Variants in GRM5 observed in about 807,000 individuals in gnomAD.
GRM5 encodes the protein metabotropic glutamate receptor 5.
Under a neutral mutation model 83.1 loss-of-function variants are expected in GRM5, and 19 were observed. The observed-to-expected ratio is 0.23, with a 90% CI of 0.16 to 0.34. The LOEUF is 0.34. Among genes scored for constraint, GRM5 ranks in the 10% least tolerant of loss-of-function variants. The pLI is 1.00. For synonymous variants in GRM5, 675 were observed against 633.6 expected, an observed-to-expected ratio of 1.07 and a Z score of -0.98; for missense variants, 1,160 against 1,588.3, an observed-to-expected ratio of 0.73 and a Z score of 4.58.
intron 2 of GRM5, among the ~76,000 whole-genome samples, chr11:88,949,381 T>G (rs553087523): frequency 3.3e-5 from 5 of 152,264 alleles, no homozygotes; most frequent in Non-Finnish European, 1.5e-5. Flanking sequence ...GTAATTCTTA[T>G]GAAGGCAATA....
At chr11:88,757,300 T>C (rs1942414883) in intron 3 of GRM5, among the ~76,000 whole-genome samples, 1 of 152,206 alleles carries the variant, frequency 6.6e-6, no homozygotes, top group South Asian at 2.1e-4. Context: ...GGTAGATTTT[T>C]GCATTCCCTG....
intron 3 of GRM5, among the ~76,000 whole-genome samples, chr11:88,675,992 C>T (rs1940319358): frequency 1.3e-5 from 2 of 151,986 alleles, no homozygotes; most frequent in Non-Finnish European, 2.9e-5. Context: ...ATGCTGGGAA[C>T]TGCAGCTCTG....
rs191724308 is a variant in GRM5, at chr11:88,861,395, G to A, written c.662-11240C>T. Among the ~76,000 whole-genome samples the A allele has an allele frequency of 6.0e-3, 915 of 152,104 alleles. 6 individuals are homozygous for A. Among genetic ancestry groups the A allele is most frequent in the African/African-American group, 0.021 (879 of 41,478 alleles). ...TATTCCTGGAATACCCTTCTATTTA[G>A]CTAATTCCTACCCATCCTTCAAGAG... On this transcript the variant is annotated intron_variant, in intron 2 of 9. Coordinates refer to ENST00000305447, the MANE Select transcript of GRM5 (RefSeq NM_001143831.3).
chr11:88,690,139 A>AACTC (rs1380507023), intron 3 of GRM5, among the ~76,000 whole-genome samples: 86 of 152,318 alleles, frequency 5.6e-4, no homozygotes, highest in African/African-American at 1.9e-3. Flanking sequence ...AATTTTTTTA[A>AACTC]ACTCAGATAC....
chr11:88,630,412 A>G (rs1938929429), intron 4 of GRM5, among the ~76,000 whole-genome samples: 4 of 152,096 alleles, frequency 2.6e-5, no homozygotes, highest in Admixed American at 2.6e-4. Context: ...ATCTTTTAGT[A>G]TATCTTTTAT....
Position 88,947,329 on chromosome 11 carries a change from G to A in GRM5, c.662-97174C>T, listed in dbSNP as rs188780617. The stretch of plus-strand genomic sequence containing the variant: ...TGAAATATTTGCTGAGTTAACTCTG[G>A]TTACTTTAAACAACATTTCCAAAAA... On this transcript the variant is annotated intron_variant, in intron 2 of 9. Transcript: ENST00000305447. 1.6e-4 allele frequency among the ~76,000 whole-genome samples: 24 copies of A among 151,948 alleles called. No individual in the cohort carries two copies. The East Asian group carries it at 4.1e-3, about 26-fold the overall frequency.
At position 88,567,910 on chromosome 11, in the gene GRM5, G is replaced by C; in HGVS notation, c.1773C>G (p.Leu591=). 1 of 1,613,598 alleles carries C rather than the reference G, an allele frequency of 6.2e-7. No homozygotes were observed. The highest frequency in any genetic ancestry group is 8.5e-7 in the Non-Finnish European group (1 of 1,179,502). The change falls in exon 8 of 10, where the codon CTC becomes CTG. Residue 591 remains leucine (L), a synonymous_variant. Transcript: ENST00000305447. This position sits in a 1 kb window ranked among gnomAD's most constrained non-coding sequence, Gnocchi z 7.3. The part of the protein sequence containing the change: ...IAAVVFACLG[L]LATLFVTVVF... Reference sequence around the variant, plus strand: ...CTACAGTAACAAACAGGGTGGCCAGGAGGCCAAGGCAGGCAAACACCACAG... The same window carrying C: ...CTACAGTAACAAACAGGGTGGCCAGCAGGCCAAGGCAGGCAAACACCACAG...
At chr11:88,800,388 G>A (rs1238119738) in intron 3 of GRM5, among the ~76,000 whole-genome samples, 1 of 150,620 alleles carries the variant, frequency 6.6e-6, no homozygotes, top group East Asian at 2.0e-4. Context: ...GCAGAGTTAT[G>A]TAGTTCTTTC....
chr11:88,570,571 A>ATATATATTT (rs1405339448), intron 7 of GRM5, among the ~76,000 whole-genome samples: 2 of 46,376 alleles, frequency 4.3e-5, no homozygotes, highest in African/African-American at 2.7e-4. Flanking sequence ...ATATATATAT[A>ATATATATTT]TTTTTTTTTT....
At chr11:88,792,764 T>G (rs953832470) in intron 3 of GRM5, among the ~76,000 whole-genome samples, 4 of 152,104 alleles carry the variant, frequency 2.6e-5, no homozygotes, top group East Asian at 1.9e-4. Context: ...CTTTTTAAAT[T>G]GTCTTTTCTT....
At chr11:88,727,154 G>A (rs1941704189) in intron 3 of GRM5, among the ~76,000 whole-genome samples, 1 of 152,158 alleles carries the variant, frequency 6.6e-6, no homozygotes, top group Non-Finnish European at 1.5e-5. Flanking sequence ...CATCTCATGT[G>A]CAAAGACGCA....
intron 3 of GRM5, among the ~76,000 whole-genome samples, chr11:88,760,597 C>A (rs554217577): frequency 3.0e-4 from 45 of 152,102 alleles, no homozygotes; most frequent in South Asian, 2.1e-3. Context: ...ATTCTCAGTG[C>A]CATATGGATT....
At chr11:88,994,831 T>A (rs1330619474) in intron 2 of GRM5, among the ~76,000 whole-genome samples, 1 of 152,092 alleles carries the variant, frequency 6.6e-6, no homozygotes, top group Non-Finnish European at 1.5e-5. Context: ...AGAGCTTCCC[T>A]GTTACTGTAC....
intron 3 of GRM5, among the ~76,000 whole-genome samples, chr11:88,834,562 T>C (rs867081807): frequency 1.4e-4 from 22 of 151,788 alleles, no homozygotes; most frequent in African/African-American, 4.1e-4. Flanking sequence ...TCCCTGCCTT[T>C]GAAAGGAAAT....
intron 3 of GRM5, among the ~76,000 whole-genome samples, chr11:88,678,677 T>G (rs903816832): frequency 2.9e-4 from 44 of 152,180 alleles, no homozygotes; most frequent in African/African-American, 1.0e-3. Context: ...TGATATTTTT[T>G]CATTACAAAT....
rs1055860778 is a variant in GRM5, at chr11:89,048,063, T to C, written c.-191A>G. The C allele has an allele frequency of 7.0e-6, 4 of 570,594 alleles. No individual in the cohort carries two copies. Among genetic ancestry groups the C allele is most frequent in the Admixed American group, 3.1e-5 (1 of 32,162 alleles). 35.3% of individuals were successfully genotyped at this position (570,594 alleles called of 1,614,324 possible). ...AGTTAGATGATCCATGTGGTCATGATCTTCTAAACCTGAAAAAAAAAAAAT... is the reference window on the plus strand; with the variant it reads ...AGTTAGATGATCCATGTGGTCATGACCTTCTAAACCTGAAAAAAAAAAAAT... On this transcript the variant is annotated 5_prime_UTR_variant, in exon 2 of 10. Coordinates refer to ENST00000305447, the MANE Select transcript of GRM5 (RefSeq NM_001143831.3).
chr11:88,559,439 T>A, intron 8 of GRM5, among the ~76,000 whole-genome samples: 1 of 152,200 alleles, frequency 6.6e-6, no homozygotes, highest in East Asian at 1.9e-4. Context: ...CTACTTACTA[T>A]CTGAATGGGG....
chr11:88,643,659 G>A (rs1268053613), intron 4 of GRM5, among the ~76,000 whole-genome samples: 1 of 152,100 alleles, frequency 6.6e-6, no homozygotes, highest in African/African-American at 2.4e-5. Context: ...TCAAATCTGG[G>A]TGTTAGCTGT....
At chr11:88,578,733 G>A (rs78434666) in intron 7 of GRM5, among the ~76,000 whole-genome samples, 5,870 of 152,190 alleles carry the variant, frequency 0.039, 305 homozygotes, top group East Asian at 0.14. Flanking sequence ...GAAATTGGAA[G>A]AGTAAGAAGG....
Sources: allele counts gnomAD v4.1 joint callset (sites outside exome capture counted in the v4.1 genomes callset), GRCh38; gene constraint gnomAD v4.1.1; non-coding constraint Gnocchi (gnomAD v3.1); transcripts MANE v1.5; gene names NCBI Gene and HGNC (gene_info 2026-07-23, HGNC 2026-07-21).